CBFA2T2: variants seen among roughly 807,000 people sequenced by gnomAD.
The protein encoded by CBFA2T2 is CBFA2/RUNX1 partner transcriptional co-repressor 2, also known as protein CBFA2T2.
CBFA2T2 carries 11 observed loss-of-function variants against 62.2 expected under a neutral mutation model. The observed-to-expected ratio is 0.18, with a 90% confidence interval of 0.11 to 0.29. CBFA2T2 has a LOEUF of 0.29. CBFA2T2 is among the 10% of genes least tolerant of loss of function. The pLI is 1.00. For synonymous variants in CBFA2T2, 295 were observed against 287.5 expected (o/e 1.03, Z -0.27); for missense variants, 592 against 774.1 (o/e 0.76, Z 2.79).
chr20:33,537,115 A>C (rs1354654242), intron 1 of CBFA2T2, among the ~76,000 whole-genome samples: 1 of 152,288 alleles, frequency 6.6e-6, no homozygotes, highest in East Asian at 1.9e-4. Context: ...CAATCTCGGC[A>C]CTTTGGGAGG....
At chr20:33,636,554 A>G (rs892805117) in intron 8 of CBFA2T2, 86 bp from the exon 9 acceptor site, 21 of 950,078 alleles carry the variant, frequency 2.2e-5, no homozygotes, top group Non-Finnish European at 3.5e-5. Context: ...GTTTGAGTCT[A>G]AGTGGTGAAT....
intron 1 of CBFA2T2, among the ~76,000 whole-genome samples, chr20:33,578,302 A>G (rs1011506109): frequency 8.5e-5 from 13 of 152,234 alleles, no homozygotes; most frequent in Non-Finnish European, 2.9e-5. Context: ...TTTTAAAAAT[A>G]GATCCCCCCA....
intron 3 of CBFA2T2, among the ~76,000 whole-genome samples, chr20:33,612,735 A>T (rs188052566): frequency 6.6e-6 from 1 of 152,370 alleles, no homozygotes; most frequent in Admixed American, 6.5e-5. Flanking sequence ...ATGTCAATAA[A>T]TGTAATCCAT....
chr20:33,597,834 C>T (rs1319817945), intron 1 of CBFA2T2, among the ~76,000 whole-genome samples: 1 of 152,168 alleles, frequency 6.6e-6, no homozygotes, highest in South Asian at 2.1e-4. Flanking sequence ...GACAGGGTCT[C>T]ATATCGGGGA....
chr20:33,536,880 T>C (rs1286091651), intron 1 of CBFA2T2, among the ~76,000 whole-genome samples: 1 of 146,506 alleles, frequency 6.8e-6, no homozygotes, highest in Admixed American at 6.8e-5. Flanking sequence ...CCTCACTTCC[T>C]AGACGGGATG....
At chr20:33,532,974 C>G (rs2012102186) in intron 1 of CBFA2T2, among the ~76,000 whole-genome samples, 1 of 152,186 alleles carries the variant, frequency 6.6e-6, no homozygotes, top group Non-Finnish European at 1.5e-5. Context: ...TCACTGTCAT[C>G]TCATACACAG....
intron 1 of CBFA2T2, among the ~76,000 whole-genome samples, chr20:33,586,485 G>T (rs1348482623): frequency 6.6e-6 from 1 of 152,160 alleles, no homozygotes; most frequent in Non-Finnish European, 1.5e-5. Flanking sequence ...GGTTCCTGTT[G>T]ATATTATTGC....
chr20:33,530,740 G>A (rs576649522), intron 1 of CBFA2T2, among the ~76,000 whole-genome samples: 41 of 152,086 alleles, frequency 2.7e-4, no homozygotes, highest in African/African-American at 9.6e-4. Context: ...CCACTTGTAG[G>A]AAGCACTATA....
At chr20:33,594,808 T>C (rs538486617) in intron 1 of CBFA2T2, among the ~76,000 whole-genome samples, 3 of 152,288 alleles carry the variant, frequency 2.0e-5, no homozygotes, top group East Asian at 1.9e-4. Flanking sequence ...CTTTAAGTGG[T>C]TGGGATTCAG....
chr20:33,628,411 T>C lies in CBFA2T2; in HGVS notation c.1008T>C (p.Ala336=), dbSNP rs759950080. ...VDHRLTEREW[A]DEWKHLDHAL... ...ATCGTTTGACAGAAAGGGAATGGGC[T>C]GATGAATGGAAACATCTTGACCATG... is the stretch of plus-strand genomic sequence containing the variant. Residue 336 remains alanine (A), a synonymous_variant, in exon 7 of 11, where the codon GCT becomes GCC. Transcript: ENST00000342704. 9.3e-6 allele frequency: 15 copies of C among 1,612,074 alleles called. No individual in the cohort carries two copies. The South Asian group carries it at 1.6e-4, about 18-fold the overall frequency.
At chr20:33,510,377 AT>A (rs1439963008) in intron 1 of CBFA2T2, among the ~76,000 whole-genome samples, 1 of 149,232 alleles carries the variant, frequency 6.7e-6, no homozygotes, top group Non-Finnish European at 1.5e-5. Flanking sequence ...CGCCCGGCTA[AT>A]TTTTTTTGTA....
intron 1 of CBFA2T2, among the ~76,000 whole-genome samples, chr20:33,578,899 T>C (rs527449541): frequency 2.6e-5 from 4 of 152,180 alleles, no homozygotes; most frequent in Admixed American, 6.5e-5. Context: ...CATAAGCTAT[T>C]GTACAAAGAC....
At chr20:33,491,247 T>C (rs1458480252) in intron 1 of CBFA2T2, among the ~76,000 whole-genome samples, 1 of 152,188 alleles carries the variant, frequency 6.6e-6, no homozygotes, top group Non-Finnish European at 1.5e-5. Context: ...TTAAATCATA[T>C]AGTAAGTTTA....
intron 1 of CBFA2T2, among the ~76,000 whole-genome samples, chr20:33,564,945 A>G (rs1242138862): frequency 6.6e-6 from 1 of 151,932 alleles, no homozygotes; most frequent in Non-Finnish European, 1.5e-5. Flanking sequence ...TTTGAGACGG[A>G]GTCTCGCTCT....
intron 1 of CBFA2T2, among the ~76,000 whole-genome samples, chr20:33,535,605 T>TA (rs978295719): frequency 6.9e-6 from 1 of 145,232 alleles, no homozygotes; most frequent in African/African-American, 2.7e-5. Flanking sequence ...GAGTTTTATT[T>TA]TTATTTTTTT....
chr20:33,536,338 CGGGCAGAG>C (rs1337692266), intron 1 of CBFA2T2, among the ~76,000 whole-genome samples: 1 of 144,796 alleles, frequency 6.9e-6, no homozygotes, highest in Non-Finnish European at 1.6e-5. Flanking sequence ...GGCGGCTGGC[CGGGCAGAG>C]GGGCTCCTCA....
intron 1 of CBFA2T2, among the ~76,000 whole-genome samples, chr20:33,523,750 A>G (rs2011800644): frequency 6.6e-6 from 1 of 151,920 alleles, no homozygotes; most frequent in African/African-American, 2.4e-5. Flanking sequence ...GTGCAGTGGC[A>G]TGATCCTCAC....
intron 1 of CBFA2T2, among the ~76,000 whole-genome samples, chr20:33,582,305 A>G (rs1232559656): frequency 6.6e-6 from 1 of 150,960 alleles, no homozygotes; most frequent in Non-Finnish European, 1.5e-5. Context: ...CCTGGCCAAC[A>G]TGGTGAGACC....
In CBFA2T2 at chr20:33,507,144, T is replaced by C. The variant is rs143408123; in HGVS notation, c.34+16843T>C. ...ATACTAGAAGGTGGACTATAATGAATTGTCATTACAGTGACTAAAAGTTAT... is the reference window on the plus strand; with the variant it reads ...ATACTAGAAGGTGGACTATAATGAACTGTCATTACAGTGACTAAAAGTTAT... On this transcript the variant is annotated intron_variant, in intron 1 of 10. Transcript: ENST00000342704. 3.9e-4 allele frequency among the ~76,000 whole-genome samples: 60 copies of C among 152,350 alleles called. No homozygotes were observed. In the East Asian group the frequency reaches 0.011, roughly 29 times the overall value.
Sources: allele counts gnomAD v4.1 joint callset (sites outside exome capture counted in the v4.1 genomes callset), GRCh38; gene constraint gnomAD v4.1.1; transcripts MANE v1.5; gene names NCBI Gene and HGNC (gene_info 2026-07-23, HGNC 2026-07-21).